Variants in PLEKHG1 observed in about 807,000 individuals in gnomAD.
PLEKHG1 encodes the protein pleckstrin homology domain-containing family G member 1.
Under a neutral mutation model 100.8 loss-of-function variants are expected in PLEKHG1, and 44 were observed. That is an observed-to-expected ratio of 0.44 (90% CI 0.34 to 0.56). The LOEUF is 0.56. PLEKHG1 is among the 20% of genes least tolerant of loss of function. The pLI is 0.01. For missense variants in PLEKHG1, 1,545 were observed against 1,720.9 expected (o/e 0.90, Z 1.81); for synonymous variants, 640 against 662.5 (o/e 0.97, Z 0.52).
intron 15 of PLEKHG1, among the ~76,000 whole-genome samples, chr6:150,838,395 G>GTT (rs59814753): frequency 0.033 from 5,088 of 152,110 alleles, 108 homozygotes; most frequent in South Asian, 0.066. Context: ...AACATTAAGG[G>GTT]TTTTTTTTAT....
intron 2 of PLEKHG1, among the ~76,000 whole-genome samples, chr6:150,765,457 G>T (rs1282484241): frequency 6.7e-6 from 1 of 148,164 alleles, no homozygotes; most frequent in Non-Finnish European, 1.5e-5. Context: ...TTGTGCCACT[G>T]CACTCCAGCT....
At chr6:150,655,954 G>T (rs968433094) in intron 3 of PLEKHG1, among the ~76,000 whole-genome samples, 3 of 151,966 alleles carry the variant, frequency 2.0e-5, no homozygotes, top group African/African-American at 7.3e-5. Flanking sequence ...TGGGGGGTTG[G>T]GGGGCCAGGA....
Position 150,786,388 on chromosome 6 carries a change from A to T in PLEKHG1, c.513-2A>T. 1.2e-6 allele frequency: 2 copies of T among 1,600,974 alleles called. No individual in the cohort carries two copies. Among genetic ancestry groups the T allele is most frequent in the Non-Finnish European group, 1.7e-6 (2 of 1,168,232 alleles). ...ACTTCCTGGCTGTTATTTTTTTATTAGTGAACTTCTGCAAGATTTGGAAAA... is the reference window on the plus strand; with the variant it reads ...ACTTCCTGGCTGTTATTTTTTTATTTGTGAACTTCTGCAAGATTTGGAAAA... On this transcript the variant is annotated splice_acceptor_variant, in intron 3 of 15. Coordinates refer to ENST00000358517, the Ensembl canonical transcript of PLEKHG1. LOFTEE classifies it high-confidence loss of function.
intron 2 of PLEKHG1, among the ~76,000 whole-genome samples, chr6:150,644,044 C>T (rs1201416335): frequency 6.6e-6 from 1 of 151,988 alleles, no homozygotes; most frequent in East Asian, 1.9e-4. Context: ...TGTACATAAT[C>T]GTAAATATTT....
intron 1 of PLEKHG1, among the ~76,000 whole-genome samples, chr6:150,621,954 G>T (rs1422996915): frequency 6.6e-6 from 1 of 152,188 alleles, no homozygotes; most frequent in Non-Finnish European, 1.5e-5. Context: ...TGTTGTGTGA[G>T]TTGCAGTTAA....
chr6:150,702,556 G>GT (rs1361600466), intron 3 of PLEKHG1, among the ~76,000 whole-genome samples: 53 of 114,336 alleles, frequency 4.6e-4, no homozygotes, highest in Middle Eastern at 8.4e-3. Flanking sequence ...TTTTGTTTTG[G>GT]GGTGTGTGTG....
rs188274307 is a variant in PLEKHG1 at position 150,781,171 on chromosome 6, G to A, written c.513-5219G>A. ...ATTACAGGTGTAAGCCACCGCGCCC[G>A]GCCAAGAACAGTTTTTATATTTTAT... On this transcript the variant is annotated intron_variant, in intron 3 of 15. Coordinates refer to ENST00000358517, the Ensembl canonical transcript of PLEKHG1. Among the ~76,000 whole-genome samples, 191 of 148,376 alleles carry A rather than the reference G, an allele frequency of 1.3e-3. 1 individual carries two copies. The highest frequency in any genetic ancestry group is 4.3e-3 in the African/African-American group (173 of 40,582).
At position 150,674,622 on chromosome 6, in the gene PLEKHG1, CTCTCTCCT is replaced by C. The variant is rs764921341; in HGVS notation, c.-99+23837_-99+23844del. Among the ~76,000 whole-genome samples the C allele has an allele frequency of 7.8e-3, 955 of 123,092 alleles. 4 individuals carry two copies. The highest frequency in any genetic ancestry group is 0.017 in the South Asian group (61 of 3,486). 80.8% of individuals were successfully genotyped at this position (123,092 alleles called of 152,430 possible). The stretch of plus-strand genomic sequence containing the variant: ...TGCCAGATTACACCTGTAACTTTCT[CTCTCTCCT>C]CCCTCTCTCTCTCTCTCTCTCTCTC... On this transcript the variant is annotated intron_variant, in intron 3 of 3. Transcript: ENST00000367326.
At chr6:150,753,863 C>T (rs1583059613) in intron 2 of PLEKHG1, among the ~76,000 whole-genome samples, 2 of 152,214 alleles carry the variant, frequency 1.3e-5, no homozygotes, top group South Asian at 2.1e-4. Context: ...GTACAGCCCT[C>T]GCCTCTTAGC....
At chr6:150,688,371 A>T (rs1265445579) in intron 3 of PLEKHG1, among the ~76,000 whole-genome samples, 3 of 151,414 alleles carry the variant, frequency 2.0e-5, no homozygotes, top group Non-Finnish European at 4.4e-5. Context: ...CCCAGGCTGG[A>T]GTGTAGTGGC....
intron 2 of PLEKHG1, among the ~76,000 whole-genome samples, chr6:150,741,519 A>G (rs1782854962): frequency 6.6e-6 from 1 of 152,254 alleles, no homozygotes; most frequent in Non-Finnish European, 1.5e-5. Context: ...CTAAAAAATA[A>G]CATTAGCAGC....
chr6:150,767,262 T>C (rs1387905224), intron 2 of PLEKHG1, among the ~76,000 whole-genome samples: 1 of 152,204 alleles, frequency 6.6e-6, no homozygotes, highest in Admixed American at 6.5e-5. Context: ...CAAGCTCTTA[T>C]GATTGTTCCA....
At chr6:150,747,588 C>T (rs1234905288) in intron 2 of PLEKHG1, among the ~76,000 whole-genome samples, 1 of 152,070 alleles carries the variant, frequency 6.6e-6, no homozygotes, top group Non-Finnish European at 1.5e-5. Context: ...GTAACATATA[C>T]ATCAGAATTA....
At chr6:150,824,821 C>A (rs1231790574) in intron 14 of PLEKHG1, among the ~76,000 whole-genome samples, 1 of 152,224 alleles carries the variant, frequency 6.6e-6, no homozygotes, top group African/African-American at 2.4e-5. Context: ...TGAACCACCA[C>A]ACCCGGCTGA....
At chr6:150,745,303 A>T (rs1210793738) in intron 2 of PLEKHG1, among the ~76,000 whole-genome samples, 3 of 152,220 alleles carry the variant, frequency 2.0e-5, no homozygotes, top group Non-Finnish European at 4.4e-5. Flanking sequence ...ATCACATGGG[A>T]CCATCATATC....
At chr6:150,679,035 G>A (rs959853012) in intron 3 of PLEKHG1, among the ~76,000 whole-genome samples, 6 of 152,100 alleles carry the variant, frequency 3.9e-5, no homozygotes, top group Non-Finnish European at 5.9e-5. Flanking sequence ...ATATTAATGA[G>A]CAATTTTCTA....
At chr6:150,809,836 TC>T in intron 10 of PLEKHG1, 102 bp downstream of exon 11, 1 of 753,194 alleles carries the variant, frequency 1.3e-6, no homozygotes, top group Non-Finnish European at 2.2e-6. Flanking sequence ...ATCATTGAAC[TC>T]CAGACTGGGC....
In PLEKHG1 at chr6:150,707,936, C is replaced by A. The variant is rs117432534; in HGVS notation, c.-98-25648C>A. Among the ~76,000 whole-genome samples the A allele has an allele frequency of 8.7e-3, 1,331 of 152,274 alleles. 10 individuals are homozygous for A. Among genetic ancestry groups the A allele is most frequent in the Middle Eastern group, 0.031 (9 of 294 alleles). Reference sequence around the variant, plus strand: ...CCCCTTTCCTCTGCCTGACCCGTCACTGCCCTTCCACCCACACTGTACTGA... The same window carrying A: ...CCCCTTTCCTCTGCCTGACCCGTCAATGCCCTTCCACCCACACTGTACTGA... On this transcript the variant is annotated intron_variant, in intron 3 of 3. Coordinates refer to the PLEKHG1 transcript ENST00000367326.
chr6:150,774,697 C>T (rs1017036638), intron 3 of PLEKHG1, among the ~76,000 whole-genome samples: 11 of 151,838 alleles, frequency 7.2e-5, no homozygotes, highest in East Asian at 1.9e-4. Flanking sequence ...CAGGCCACCA[C>T]GCCCAGCTGA....
Sources: allele counts gnomAD v4.1 joint callset (sites outside exome capture counted in the v4.1 genomes callset), GRCh38; gene constraint gnomAD v4.1.1; transcripts MANE v1.5; gene names NCBI Gene and HGNC (gene_info 2026-07-23, HGNC 2026-07-21).